The following MAF variants were observed in gnomAD, a reference collection of about 807,000 sequenced individuals.
MAF encodes MAF bZIP transcription factor, also known as transcription factor Maf.
Under a neutral mutation model 22.0 loss-of-function variants are expected in MAF, and 10 were observed. That is an observed-to-expected ratio of 0.45 (90% CI 0.28 to 0.77). MAF has a LOEUF of 0.77. MAF is among the 30% of genes least tolerant of loss of function. The probability of loss-of-function intolerance (pLI) is 0.12; values close to 1 mark genes in which losing one functional copy is unlikely to be tolerated. For missense variants in MAF, 544 were observed against 548.4 expected, an observed-to-expected ratio of 0.99 and a Z score of 0.08; for synonymous variants, 337 against 255.8, an observed-to-expected ratio of 1.32 and a Z score of -3.03.
At chr16:79,211,686 TGCTGCC>T in the MAF span, 1 of 1,614,244 alleles carries the variant, frequency 6.2e-7, no homozygotes, top group Non-Finnish European at 8.5e-7. Context: ...CTTCAACAAC[TGCTGCC>T]GCTGCATGCC....
At chr16:79,528,496 A>G in the MAF span, among the ~76,000 whole-genome samples, 1 of 152,158 alleles carries the variant, frequency 6.6e-6, no homozygotes, top group Non-Finnish European at 1.5e-5. Flanking sequence ...TGAGCAAGGC[A>G]TGGCTCTCTC....
chr16:79,592,525 T>G (rs1296652740), downstream of MAF, among the ~76,000 whole-genome samples: 2 of 152,244 alleles, frequency 1.3e-5, no homozygotes, highest in Non-Finnish European at 2.9e-5. Flanking sequence ...AAGCAAATGC[T>G]TCAAAACAAA....
At chr16:79,300,261 A>G in the MAF span, among the ~76,000 whole-genome samples, 1 of 152,200 alleles carries the variant, frequency 6.6e-6, no homozygotes, top group Non-Finnish European at 1.5e-5. Flanking sequence ...TAACTCTTAA[A>G]AGACCCTTAT....
the MAF span, among the ~76,000 whole-genome samples, chr16:79,488,337 C>A: frequency 7.9e-5 from 12 of 152,150 alleles, no homozygotes; most frequent in Admixed American, 4.6e-4. Flanking sequence ...AGGTCCTCTC[C>A]TCTCACCCCC....
chr16:79,305,481 G>C, the MAF span, among the ~76,000 whole-genome samples: 1 of 152,138 alleles, frequency 6.6e-6, no homozygotes, highest in East Asian at 1.9e-4. Flanking sequence ...ACCTTCCTCA[G>C]AGATGCCCCT....
At chr16:79,477,803 C>G in the MAF span, among the ~76,000 whole-genome samples, 4 of 152,096 alleles carry the variant, frequency 2.6e-5, no homozygotes, top group South Asian at 2.1e-4. Flanking sequence ...TGGCTCACCA[C>G]AACCTCCGCC....
At chr16:79,380,524 G>A in the MAF span, among the ~76,000 whole-genome samples, 1 of 152,190 alleles carries the variant, frequency 6.6e-6, no homozygotes, top group Admixed American at 6.5e-5. Flanking sequence ...TTTTCCCACA[G>A]CTACCTGCCT....
chr16:79,568,958 A>T, the MAF span, among the ~76,000 whole-genome samples: 1 of 152,212 alleles, frequency 6.6e-6, no homozygotes, highest in South Asian at 2.1e-4. Context: ...AGATCCAAAG[A>T]GGTTAAGCCC....
chr16:79,531,648 G>C, the MAF span, among the ~76,000 whole-genome samples: 1 of 152,038 alleles, frequency 6.6e-6, no homozygotes, highest in Non-Finnish European at 1.5e-5. Flanking sequence ...TCACAGTAGA[G>C]TTTGTACTCC....
the MAF span, among the ~76,000 whole-genome samples, chr16:79,329,618 G>A: frequency 6.6e-6 from 1 of 152,148 alleles, no homozygotes; most frequent in African/African-American, 2.4e-5. Flanking sequence ...GTTCATATCA[G>A]TCACGGTGTC....
intron 1 of MAF, chr16:79,586,006 A>G (rs1567556916): frequency 3.1e-6 from 2 of 640,034 alleles, no homozygotes; most frequent in South Asian, 1.8e-5. Flanking sequence ...TGTTTCAAGA[A>G]CAGTATGCTA....
the MAF span, among the ~76,000 whole-genome samples, chr16:79,248,952 A>C: frequency 1.3e-5 from 2 of 152,190 alleles, no homozygotes; most frequent in Non-Finnish European, 2.9e-5. Context: ...TTAAAAATAT[A>C]TTTTAAAAAT....
At chr16:79,499,212 T>A in the MAF span, among the ~76,000 whole-genome samples, 5,846 of 152,250 alleles carry the variant, frequency 0.038, 362 homozygotes, top group African/African-American at 0.13. Context: ...TAGCACCCTC[T>A]TTTGTGGCTG....
At chr16:79,353,061 TTCTC>T in the MAF span, among the ~76,000 whole-genome samples, 1 of 151,992 alleles carries the variant, frequency 6.6e-6, no homozygotes, top group Non-Finnish European at 1.5e-5. Context: ...CAAATCAGTC[TTCTC>T]TGACTCCAAA....
At chr16:79,385,962 C>T in the MAF span, among the ~76,000 whole-genome samples, 1 of 152,152 alleles carries the variant, frequency 6.6e-6, no homozygotes, top group African/African-American at 2.4e-5. Context: ...GTTTCCTGAT[C>T]ACCTACTAGG....
chr16:79,381,378 C>T, the MAF span, among the ~76,000 whole-genome samples: 3 of 152,172 alleles, frequency 2.0e-5, no homozygotes, highest in Non-Finnish European at 4.4e-5. Flanking sequence ...ATCTTTAAGG[C>T]TGATACGAAG....
At chr16:79,527,218 C>T in the MAF span, among the ~76,000 whole-genome samples, 1 of 152,178 alleles carries the variant, frequency 6.6e-6, no homozygotes, top group Non-Finnish European at 1.5e-5. Context: ...CCCCAAATTA[C>T]AATTGACCAC....
At chr16:79,585,669 G>T (rs970077301), downstream of MAF, among the ~76,000 whole-genome samples, 5 of 151,996 alleles carry the variant, frequency 3.3e-5, no homozygotes, top group South Asian at 2.1e-4. Flanking sequence ...CACATATATC[G>T]CATGTATCCC....
At chr16:79,480,319 A>G in the MAF span, among the ~76,000 whole-genome samples, 9 of 111,466 alleles carry the variant, frequency 8.1e-5, no homozygotes, top group African/African-American at 3.0e-4. Context: ...AGCTGAGTTG[A>G]AATACAATTT....
Sources: gnomAD v4.1 joint callset for allele counts (sites outside exome capture counted in the v4.1 genomes callset) on GRCh38, gnomAD v4.1.1 for gene constraint, MANE v1.5 for transcripts, NCBI Gene and HGNC (gene_info 2026-07-23, HGNC 2026-07-21) for gene names.